ZNF804B: variants seen among roughly 807,000 people sequenced by gnomAD.
ZNF804B encodes the protein zinc finger protein 804B.
In ZNF804B, 80 loss-of-function variants were observed where a neutral mutation model predicts 101.4. The ratio of observed to expected loss-of-function variants is 0.79; its 90% CI spans 0.66 to 0.95. The LOEUF (loss-of-function observed/expected upper bound fraction) is 0.95, where lower values mean the gene tolerates loss of function less well. Ranked by LOEUF, ZNF804B falls within the 40% of genes least tolerant of loss-of-function variation. ZNF804B has a pLI of 0.00. For missense variants in ZNF804B, 1,673 were observed against 1,561.9 expected (o/e 1.07, Z -1.20); for synonymous variants, 622 against 558.8 (o/e 1.11, Z -1.59).
At chr7:89,002,074 A>G (rs1306437598) in intron 1 of ZNF804B, among the ~76,000 whole-genome samples, 1 of 151,646 alleles carries the variant, frequency 6.6e-6, no homozygotes, top group Non-Finnish European at 1.5e-5. Context: ...TTATATATTT[A>G]GATATATAAA....
intron 1 of ZNF804B, among the ~76,000 whole-genome samples, chr7:89,139,277 C>A (rs1179714809): frequency 1.3e-5 from 2 of 152,108 alleles, no homozygotes; most frequent in Non-Finnish European, 2.9e-5. Flanking sequence ...AAGTCATAAT[C>A]TTTTTGCTGG....
Position 88,950,020 on chromosome 7 carries a change from T to C in ZNF804B, c.108+189936T>C, listed in dbSNP as rs555679846. Reference sequence around the variant, plus strand: ...GTTATTAAGCAATGCATGACTTATATAGACATGCAATTTATTTTTGTATGT... The same window carrying C: ...GTTATTAAGCAATGCATGACTTATACAGACATGCAATTTATTTTTGTATGT... On this transcript the variant is annotated intron_variant, in intron 1 of 3. Coordinates refer to ENST00000333190, the MANE Select transcript of ZNF804B (RefSeq NM_181646.5). Among the ~76,000 whole-genome samples the C allele has an allele frequency of 2.0e-5, 3 of 152,082 alleles. 1 individual carries two copies. The highest frequency in any genetic ancestry group is 7.2e-5 in the African/African-American group (3 of 41,568).
intron 1 of ZNF804B, among the ~76,000 whole-genome samples, chr7:88,762,270 T>C (rs920432935): frequency 3.6e-4 from 55 of 152,258 alleles, no homozygotes; most frequent in African/African-American, 1.3e-3. Context: ...TTTGCATGGC[T>C]TTTTCAATAT....
intron 1 of ZNF804B, among the ~76,000 whole-genome samples, chr7:89,076,671 C>G (rs1789618949): frequency 6.6e-6 from 1 of 152,004 alleles, no homozygotes; most frequent in Non-Finnish European, 1.5e-5. Context: ...AATTTTTATT[C>G]AAAGATTCTT....
intron 2 of ZNF804B, among the ~76,000 whole-genome samples, chr7:89,240,893 T>C (rs1308226057): frequency 6.6e-6 from 1 of 152,112 alleles, no homozygotes; most frequent in East Asian, 1.9e-4. Context: ...AAAGACACAA[T>C]AGGCTCACCC....
intron 1 of ZNF804B, among the ~76,000 whole-genome samples, chr7:89,175,056 T>C (rs564577187): frequency 5.9e-5 from 9 of 152,194 alleles, no homozygotes; most frequent in Middle Eastern, 3.4e-3. Context: ...CTTCACTTTG[T>C]TGATTGTTTC....
rs539121347 is a variant in ZNF804B, at chr7:88,988,812, T to A, written c.108+228728T>A. 3.2e-3 allele frequency among the ~76,000 whole-genome samples: 491 copies of A among 152,180 alleles called. 4 individuals carry two copies. The highest frequency in any genetic ancestry group is 6.9e-3 in the South Asian group (33 of 4,816). ...TAAGACTAAAGGAAACTTGGAGAAG[T>A]GAGAGAAGAACCTTTTAAAACGAAT... On this transcript the variant is annotated intron_variant, in intron 1 of 3. Coordinates refer to ENST00000333190, the MANE Select transcript of ZNF804B (RefSeq NM_181646.5).
intron 1 of ZNF804B, among the ~76,000 whole-genome samples, chr7:88,859,364 A>G (rs910174529): frequency 1.3e-5 from 2 of 152,118 alleles, no homozygotes; most frequent in African/African-American, 2.4e-5. Context: ...ACAAAAACTG[A>G]TATAAGCCAG....
chr7:88,798,723 T>G (rs1028309237), intron 1 of ZNF804B, among the ~76,000 whole-genome samples: 1 of 152,110 alleles, frequency 6.6e-6, no homozygotes, highest in Non-Finnish European at 1.5e-5. Context: ...AGAAGCAACA[T>G]GCAATTCAGA....
chr7:89,023,490 A>G (rs751557356), intron 1 of ZNF804B, among the ~76,000 whole-genome samples: 1 of 152,228 alleles, frequency 6.6e-6, no homozygotes, highest in Admixed American at 6.5e-5. Context: ...AAGTTTGTCT[A>G]AACTGTAGAT....
chr7:88,783,720 C>G (rs1790261486), intron 1 of ZNF804B, among the ~76,000 whole-genome samples: 1 of 152,070 alleles, frequency 6.6e-6, no homozygotes, highest in Non-Finnish European at 1.5e-5. Flanking sequence ...TTCCTTGCAT[C>G]TTCCATCCTA....
chr7:89,166,483 A>G (rs911612352), intron 1 of ZNF804B, among the ~76,000 whole-genome samples: 2 of 152,210 alleles, frequency 1.3e-5, no homozygotes, highest in African/African-American at 4.8e-5. Context: ...TAGTATATTT[A>G]TCAACACCTT....
At chr7:89,026,763 A>G (rs1231602916) in intron 1 of ZNF804B, among the ~76,000 whole-genome samples, 1 of 152,158 alleles carries the variant, frequency 6.6e-6, no homozygotes, top group Non-Finnish European at 1.5e-5. Flanking sequence ...ACCCAGGAGA[A>G]GTGAGAAGCC....
chr7:88,867,251 C>T (rs1791740198), intron 1 of ZNF804B, among the ~76,000 whole-genome samples: 1 of 152,140 alleles, frequency 6.6e-6, no homozygotes, highest in African/African-American at 2.4e-5. Flanking sequence ...ACTGAGAAGT[C>T]TCATGATAGA....
At position 88,782,810 on chromosome 7, in the gene ZNF804B, T is replaced by C. The variant is rs10253244; in HGVS notation, c.108+22726T>C. ...GCTCCTCTGATATGGTACAGTATTC[T>C]GTGTAAATATCTTTAGCAGCAAGCA... On this transcript the variant is annotated intron_variant, in intron 1 of 3. Transcript: ENST00000333190. 2.1e-3 allele frequency among the ~76,000 whole-genome samples: 316 copies of C among 152,304 alleles called. 1 individual carries two copies. Among genetic ancestry groups the C allele is most frequent in the African/African-American group, 7.4e-3 (306 of 41,584 alleles).
intron 1 of ZNF804B, among the ~76,000 whole-genome samples, chr7:88,763,393 A>G (rs1319138912): frequency 6.6e-6 from 1 of 152,150 alleles, no homozygotes; most frequent in African/African-American, 2.4e-5. Flanking sequence ...TTCAGCTTCT[A>G]TCTTCAAAGT....
chr7:89,295,183 G>A (rs1397675558), intron 2 of ZNF804B, among the ~76,000 whole-genome samples: 1 of 152,090 alleles, frequency 6.6e-6, no homozygotes, highest in Non-Finnish European at 1.5e-5. Context: ...TTGACAGTGA[G>A]GGTTTCTTGC....
chr7:89,270,189 TG>T (rs1789864049), intron 2 of ZNF804B, among the ~76,000 whole-genome samples: 1 of 152,204 alleles, frequency 6.6e-6, no homozygotes, highest in Non-Finnish European at 1.5e-5. Context: ...AGGGTTTGTA[TG>T]GTTTTAGGTC....
At chr7:89,202,800 C>T (rs1399669695) in intron 1 of ZNF804B, among the ~76,000 whole-genome samples, 1 of 152,056 alleles carries the variant, frequency 6.6e-6, no homozygotes, top group African/African-American at 2.4e-5. Context: ...AGCCAAAGAA[C>T]TTTTCCTGGA....
Sources: allele counts gnomAD v4.1 joint callset (sites outside exome capture counted in the v4.1 genomes callset), GRCh38; gene constraint gnomAD v4.1.1; transcripts MANE v1.5; gene names NCBI Gene and HGNC (gene_info 2026-07-23, HGNC 2026-07-21).